The following CLGN variants were observed in gnomAD, a reference collection of about 807,000 sequenced individuals.
CLGN encodes the protein testis tissue sperm-binding protein Li 79P.
In CLGN, 62 loss-of-function variants were observed where a neutral mutation model predicts 79.1. The ratio of observed to expected loss-of-function variants is 0.78; its 90% CI spans 0.64 to 0.97. The LOEUF is 0.97. Among genes scored for constraint, CLGN ranks in the 50% least tolerant of loss-of-function variants. The pLI is 0.00. For missense variants in CLGN, 647 were observed against 715.5 expected (o/e 0.90, Z 1.09); for synonymous variants, 225 against 224.7 (o/e 1.00, Z -0.01).
At chr4:140,408,118 C>A (rs1216982665) in intron 4 of CLGN, among the ~76,000 whole-genome samples, 3 of 152,034 alleles carry the variant, frequency 2.0e-5, no homozygotes, top group Non-Finnish European at 2.9e-5. Context: ...AGAAAACTGG[C>A]AAGCCACATA....
intron 1 of CLGN, among the ~76,000 whole-genome samples, chr4:140,425,538 C>T (rs2126637090): frequency 6.6e-6 from 1 of 150,812 alleles, no homozygotes; most frequent in South Asian, 2.1e-4. Flanking sequence ...AGGTTTCTGG[C>T]AACACTGCAT....
At position 140,388,742 on chromosome 4, in the gene CLGN, TACA is replaced by T. The variant is rs1324962758; in HGVS notation, c.*479_*481del. ...ACAAACTAGGTAAATGTGGGTCATA[TACA>T]ACACTTTCAATTGTTGATAGAATCA... On this transcript the variant is annotated 3_prime_UTR_variant, in exon 15 of 15. Coordinates refer to ENST00000325617, the MANE Select transcript of CLGN (RefSeq NM_004362.3). The T allele has an allele frequency of 1.3e-5, 2 of 153,602 alleles. No homozygotes were observed. Among genetic ancestry groups the T allele is most frequent in the Non-Finnish European group, 2.9e-5 (2 of 68,894 alleles). The allele number at this position is 153,602 out of a possible 1,614,324, so 9.5% of individuals were successfully genotyped here. A position where few individuals can be genotyped will look rare whatever the true frequency, so the allele number is the denominator to read the frequency against.
chr4:140,400,524 T>A lies in CLGN; in HGVS notation c.527A>T (p.Tyr176Phe), dbSNP rs1399860080. Residue 176 changes from tyrosine to phenylalanine, a missense_variant, in exon 7 of 15, where the codon TAT becomes TTT. By Grantham distance (22) the Tyr-to-Phe change is conservative. Coordinates refer to ENST00000325617, the MANE Select transcript of CLGN (RefSeq NM_004362.3). The part of the protein sequence containing the change: ...ILENFYDKTS[Y>F]IIMFGPDKCG... ...TTTATCTGGTCCAAACATAATGATA[T>A]AGGATGTTTTATCATAAAAGTTTTC... is the stretch of plus-strand genomic sequence containing the variant. The A allele has an allele frequency of 6.3e-7, 1 of 1,592,404 alleles. No homozygotes were observed. The highest frequency in any genetic ancestry group is 8.6e-7 in the Non-Finnish European group (1 of 1,166,506).
rs1357236611 is a variant in CLGN, at chr4:140,417,138, C to T, written c.-9-4051G>A. Among the ~76,000 whole-genome samples the T allele has an allele frequency of 4.6e-4, 67 of 144,986 alleles. 1 individual carries two copies. Among genetic ancestry groups the T allele is most frequent in the African/African-American group, 1.6e-3 (62 of 39,204 alleles). ...CAATAGATGCAGAAAAAGCCTTTGA[C>T]AAAATTCAACAACCCTTCATGCTAA... is the stretch of plus-strand genomic sequence containing the variant. On this transcript the variant is annotated intron_variant, in intron 1 of 14. Coordinates refer to ENST00000325617, the MANE Select transcript of CLGN (RefSeq NM_004362.3).
At position 140,420,343 on chromosome 4, in the gene CLGN, T is replaced by A. The variant is rs141514141; in HGVS notation, c.-10+7194A>T. ...TCAGAAAACAGTTCAGAAAACACTT[T>A]ATCTTGAAAGTTTGTTTCTTCTTTA... On this transcript the variant is annotated intron_variant, in intron 1 of 14. Transcript: ENST00000325617. Among the ~76,000 whole-genome samples the A allele has an allele frequency of 7.4e-4, 112 of 152,260 alleles. 2 individuals are homozygous for A. The highest frequency in any genetic ancestry group is 2.4e-3 in the African/African-American group (101 of 41,572).
intron 1 of CLGN, among the ~76,000 whole-genome samples, chr4:140,421,088 C>A (rs948913261): frequency 2.0e-5 from 3 of 152,094 alleles, no homozygotes; most frequent in African/African-American, 7.2e-5. Context: ...TTTTACTTAG[C>A]ATAATGCCCT....
intron 11 of CLGN, among the ~76,000 whole-genome samples, chr4:140,393,481 C>T (rs1401169559): frequency 6.6e-6 from 1 of 152,038 alleles, no homozygotes; most frequent in Non-Finnish European, 1.5e-5. Context: ...GTTAAATAAA[C>T]AGTAATATTT....
chr4:140,408,514 G>A, intron 4 of CLGN, among the ~76,000 whole-genome samples: 1 of 151,922 alleles, frequency 6.6e-6, no homozygotes, highest in East Asian at 1.9e-4. Context: ...GTAGGCAAAT[G>A]ACATAAATAG....
intron 1 of CLGN, among the ~76,000 whole-genome samples, chr4:140,418,874 A>T (rs992149802): frequency 1.3e-5 from 2 of 152,150 alleles, no homozygotes; most frequent in African/African-American, 4.8e-5. Context: ...AAGGACTCTA[A>T]ATCATGCTGC....
intron 1 of CLGN, among the ~76,000 whole-genome samples, chr4:140,421,477 T>A (rs1255431359): frequency 6.6e-6 from 1 of 152,160 alleles, no homozygotes; most frequent in Non-Finnish European, 1.5e-5. Flanking sequence ...TATGTTTTTT[T>A]AAATAGTAGT....
chr4:140,396,204 C>T lies in CLGN; in HGVS notation c.886G>A (p.Asp296Asn). Residue 296 changes from aspartate to asparagine, a missense_variant and splice_region_variant, in exon 9 of 15, where the codon GAT becomes AAT. Asp to Asn is a conservative substitution (Grantham distance 23). Coordinates refer to ENST00000325617, the MANE Select transcript of CLGN (RefSeq NM_004362.3). The stretch of plus-strand genomic sequence containing the variant: ...TCTATTTGGGCAGGTTCACTTTCAT[C>T]CCTGTAAATACAACGTTTTATATTA... ...DPSAVKPEDW[D>N]ESEPAQIEDS... is the part of the protein sequence containing the mutation. The T allele has an allele frequency of 2.5e-6, 4 of 1,609,384 alleles. No homozygotes were observed. The highest frequency in any genetic ancestry group is 2.2e-5 in the East Asian group (1 of 44,844).
intron 5 of CLGN, among the ~76,000 whole-genome samples, chr4:140,405,647 A>G (rs1345378204): frequency 6.6e-6 from 1 of 152,242 alleles, no homozygotes; most frequent in East Asian, 1.9e-4. Context: ...ACAAGCACTC[A>G]GACCAAAGGA....
intron 3 of CLGN, among the ~76,000 whole-genome samples, 157 bp from the exon 4 acceptor site, chr4:140,410,052 C>G (rs951884752): frequency 6.6e-6 from 1 of 151,972 alleles, no homozygotes; most frequent in African/African-American, 2.4e-5. Flanking sequence ...GATGCCTACA[C>G]ATAATCCTGA....
At chr4:140,422,048 A>G (rs1729480610) in intron 1 of CLGN, among the ~76,000 whole-genome samples, 1 of 152,150 alleles carries the variant, frequency 6.6e-6, no homozygotes. Flanking sequence ...GTCCTTTCTC[A>G]CAAAATGGTC....
intron 1 of CLGN, among the ~76,000 whole-genome samples, chr4:140,424,423 C>G (rs1474262437): frequency 6.6e-6 from 1 of 152,068 alleles, no homozygotes; most frequent in African/African-American, 2.4e-5. Flanking sequence ...GTTTTGTGGT[C>G]TAATATGGTC....
intron 6 of CLGN, among the ~76,000 whole-genome samples, chr4:140,401,244 G>C (rs1460082494): frequency 6.6e-6 from 1 of 152,050 alleles, no homozygotes; most frequent in East Asian, 1.9e-4. Flanking sequence ...AGAAATACTT[G>C]GCATTAGATT....
chr4:140,424,447 G>T (rs1366808663), intron 1 of CLGN, among the ~76,000 whole-genome samples: 1 of 152,150 alleles, frequency 6.6e-6, no homozygotes, highest in Non-Finnish European at 1.5e-5. Flanking sequence ...CCTGGAGAAT[G>T]TTCTATGTGC....
rs780279369 is a variant in CLGN, at chr4:140,393,815, C to T, written c.1365+11G>A. On this transcript the variant is annotated intron_variant, in intron 11 of 14. Coordinates refer to ENST00000325617, the MANE Select transcript of CLGN (RefSeq NM_004362.3). ...TAGTTATATCACTACTGCTATTGGT[C>T]AACACCATACCTTATTAGCATTTGC... is the stretch of plus-strand genomic sequence containing the variant. 8 of 1,611,380 alleles carry T rather than the reference C, an allele frequency of 5.0e-6. No homozygotes were observed. In the Admixed American group the frequency reaches 1.0e-4, roughly 20 times the overall value.
At chr4:140,402,805 C>A (rs540014583) in intron 5 of CLGN, among the ~76,000 whole-genome samples, 1 of 151,336 alleles carries the variant, frequency 6.6e-6, no homozygotes, top group African/African-American at 2.4e-5. Flanking sequence ...GTTAAATTAA[C>A]GAATTATATG....
Sources: allele counts gnomAD v4.1 joint callset (sites outside exome capture counted in the v4.1 genomes callset), GRCh38; gene constraint gnomAD v4.1.1; transcripts MANE v1.5; gene names NCBI Gene and HGNC (gene_info 2026-07-23, HGNC 2026-07-21).